MRPL39: variants seen among roughly 807,000 people sequenced by gnomAD.
MRPL39 encodes the protein mitochondrial ribosomal protein L39, also known as large ribosomal subunit protein mL39.
MRPL39 carries 35 observed loss-of-function variants against 44.5 expected under a neutral mutation model. The ratio of observed to expected loss-of-function variants is 0.79; its 90% CI spans 0.60 to 1.04. The LOEUF (loss-of-function observed/expected upper bound fraction) is 1.04. MRPL39 is among the 50% of genes least tolerant of loss of function. The pLI is 0.00. For synonymous variants in MRPL39, 139 were observed against 136.1 expected (o/e 1.02, Z -0.15); for missense variants, 433 against 413.5 (o/e 1.05, Z -0.41).
At chr21:25,601,590 A>C in intron 3 of MRPL39, 123 bp from the exon 4 acceptor site, 1 of 566,574 alleles carries the variant, frequency 1.8e-6, no homozygotes, top group East Asian at 3.8e-5. Flanking sequence ...ATCTCTGTTC[A>C]CACAATGTAG....
At chr21:25,601,499 T>A in intron 3 of MRPL39, 32 bp from the exon 4 acceptor site, 1 of 1,368,140 alleles carries the variant, frequency 7.3e-7, no homozygotes, top group Non-Finnish European at 1.0e-6. Flanking sequence ...ATAAAATATA[T>A]ATAAACACAC....
chr21:25,591,748 C>A (rs1450788150), intron 8 of MRPL39, among the ~76,000 whole-genome samples: 1 of 152,124 alleles, frequency 6.6e-6, no homozygotes, highest in African/African-American at 2.4e-5. Context: ...ATGGTACCGT[C>A]ACTCTGGAAC....
intron 5 of MRPL39, among the ~76,000 whole-genome samples, chr21:25,597,885 C>CA (rs2031407403): frequency 1.3e-5 from 2 of 151,908 alleles, no homozygotes; most frequent in Non-Finnish European, 1.5e-5. Context: ...CATCACCCAC[C>CA]CTGTGCAAAG....
intron 8 of MRPL39, among the ~76,000 whole-genome samples, chr21:25,589,882 G>A (rs552850825): frequency 6.6e-6 from 1 of 152,354 alleles, no homozygotes; most frequent in South Asian, 2.1e-4. Flanking sequence ...CTGGAATATA[G>A]TGAGTGAGGA....
At chr21:25,587,828 G>C in intron 9 of MRPL39, 8 of 1,456,586 alleles carry the variant, frequency 5.5e-6, no homozygotes, top group Non-Finnish European at 7.7e-6. Context: ...AAGCAAACTT[G>C]AAAATAAGTT....
Position 25,599,848 on chromosome 21 carries a change from C to T in MRPL39, c.539G>A (p.Cys180Tyr). The change falls in exon 5 of 10, where the codon TGT (cysteine) becomes TAT (tyrosine). Residue 180 changes from cysteine to tyrosine, a missense_variant. Physicochemically the swap from Cys to Tyr is radical, Grantham distance 194 (BLOSUM62 -2). Coordinates refer to ENST00000352957, the MANE Select transcript of MRPL39 (RefSeq NM_017446.4). Reference protein sequence around the residue: ...PEVPVISGAFCYDVVLDSKLD... With the variant: ...PEVPVISGAFYYDVVLDSKLD... ...TTTGCTATCCAAAACTACGTCATAA[C>T]AGAAGGCACCAGAAATTACTGTAAA... is the stretch of plus-strand genomic sequence containing the variant. 3 of 1,613,560 alleles carry T rather than the reference C, an allele frequency of 1.9e-6. No individual in the cohort carries two copies. Among genetic ancestry groups the T allele is most frequent in the South Asian group, 2.2e-5 (2 of 91,066 alleles).
At chr21:25,605,603 G>A (rs900305654) in intron 2 of MRPL39, among the ~76,000 whole-genome samples, 1 of 152,146 alleles carries the variant, frequency 6.6e-6, no homozygotes, top group Non-Finnish European at 1.5e-5. Context: ...AGACCTGCAC[G>A]GTGACTCCTC....
intron 5 of MRPL39, among the ~76,000 whole-genome samples, 153 bp downstream of exon 5, chr21:25,599,645 GA>G (rs2031462844): frequency 6.6e-6 from 1 of 151,916 alleles, no homozygotes; most frequent in African/African-American, 2.4e-5. Context: ...TAGATAGATA[GA>G]CAGACAGACA....
chr21:25,590,227 G>A (rs1378640136), intron 8 of MRPL39, among the ~76,000 whole-genome samples: 1 of 152,018 alleles, frequency 6.6e-6, no homozygotes, highest in Non-Finnish European at 1.5e-5. Flanking sequence ...GATGGGCTGG[G>A]GCATGGCTAT....
At chr21:25,600,045 G>C (rs1161996311) in intron 4 of MRPL39, among the ~76,000 whole-genome samples, 179 bp from the exon 5 acceptor site, 1 of 152,112 alleles carries the variant, frequency 6.6e-6, no homozygotes, top group Admixed American at 6.6e-5. Context: ...ATTTCCCTTA[G>C]CCAAAAGATT....
Position 25,604,587 on chromosome 21 carries a change from A to G in MRPL39, c.281-652T>C, listed in dbSNP as rs79489512. Among the ~76,000 whole-genome samples the G allele has an allele frequency of 6.7e-4, 102 of 152,274 alleles. No individual in the cohort carries two copies. The East Asian group carries it at 0.018, about 27-fold the overall frequency. On this transcript the variant is annotated intron_variant, in intron 2 of 9. Coordinates refer to ENST00000352957, the MANE Select transcript of MRPL39 (RefSeq NM_017446.4). ...CTTCAAGTTAAATACAGTAGTTACC[A>G]TTTTTTAATAATTAATATTAACTCC...
chr21:25,588,082 G>C (rs960021670), intron 9 of MRPL39, among the ~76,000 whole-genome samples: 2 of 151,982 alleles, frequency 1.3e-5, no homozygotes, highest in Non-Finnish European at 2.9e-5. Flanking sequence ...GAGGCTGAGG[G>C]GGGTGGATCA....
chr21:25,587,632 C>A (rs1325188160), intron 9 of MRPL39: 7 of 1,192,370 alleles, frequency 5.9e-6, no homozygotes, highest in South Asian at 2.7e-5. Context: ...AGAAAACAAT[C>A]AAAAAATAGT....
chr21:25,596,366 G>A (rs1394380608), intron 6 of MRPL39, among the ~76,000 whole-genome samples: 2 of 152,204 alleles, frequency 1.3e-5, no homozygotes, highest in Non-Finnish European at 2.9e-5. Flanking sequence ...CCAAAGTGCT[G>A]GGATTACAGG....
chr21:25,593,851 C>A (rs771580959), intron 7 of MRPL39, 42 bp downstream of exon 7: 1 of 1,536,172 alleles, frequency 6.5e-7, no homozygotes, highest in Admixed American at 1.7e-5. Flanking sequence ...TAAAGCTAAG[C>A]CTTACTCTAA....
At chr21:25,592,286 G>C (rs1332908119) in intron 8 of MRPL39, among the ~76,000 whole-genome samples, 2 of 152,142 alleles carry the variant, frequency 1.3e-5, no homozygotes, top group African/African-American at 2.4e-5. Flanking sequence ...TCCATACCCT[G>C]GTGGTGATAC....
At chr21:25,602,389 T>C (rs1297718501) in intron 3 of MRPL39, among the ~76,000 whole-genome samples, 4 of 152,220 alleles carry the variant, frequency 2.6e-5, no homozygotes, top group Admixed American at 6.5e-5. Flanking sequence ...ATGGGGAGAA[T>C]AGCACGAACT....
intron 9 of MRPL39, chr21:25,587,694 A>C (rs371536927): frequency 4.4e-6 from 7 of 1,578,856 alleles, no homozygotes; most frequent in African/African-American, 4.0e-5. Flanking sequence ...TATTTGTTAG[A>C]GATTACTCTG....
chr21:25,587,511 A>G (rs1283738283), intron 9 of MRPL39, among the ~76,000 whole-genome samples: 1 of 152,242 alleles, frequency 6.6e-6, no homozygotes, highest in Non-Finnish European at 1.5e-5. Flanking sequence ...TTGTCAATAA[A>G]TATTTCTTGG....
Sources: allele counts gnomAD v4.1 joint callset (sites outside exome capture counted in the v4.1 genomes callset), GRCh38; gene constraint gnomAD v4.1.1; transcripts MANE v1.5; gene names NCBI Gene and HGNC (gene_info 2026-07-23, HGNC 2026-07-21).